Variants in NCKAP5 observed in about 807,000 individuals in gnomAD.
The protein encoded by NCKAP5 is nck-associated protein 5.
NCKAP5 carries 92 observed loss-of-function variants against 167.0 expected under a neutral mutation model. The ratio of observed to expected loss-of-function variants is 0.55; its 90% CI spans 0.47 to 0.66. The LOEUF is 0.66. Ranked by LOEUF, NCKAP5 falls within the 30% of genes least tolerant of loss-of-function variation. The pLI is 0.00. For missense variants in NCKAP5, 2,378 were observed against 2,315.0 expected, an observed-to-expected ratio of 1.03 and a Z score of -0.56; for synonymous variants, 891 against 877.4, an observed-to-expected ratio of 1.02 and a Z score of -0.27.
At chr2:133,553,625 A>T (rs1687535781) in intron 2 of NCKAP5, among the ~76,000 whole-genome samples, 1 of 152,172 alleles carries the variant, frequency 6.6e-6, no homozygotes, top group South Asian at 2.1e-4. Flanking sequence ...GCCAAATCAC[A>T]GAAGCAGGAA....
chr2:132,809,050 T>C (rs1301622954), intron 11 of NCKAP5, among the ~76,000 whole-genome samples: 2 of 152,190 alleles, frequency 1.3e-5, no homozygotes, highest in African/African-American at 4.8e-5. Context: ...GAGCAGGCTA[T>C]ATCATTTCCA....
intron 4 of NCKAP5, among the ~76,000 whole-genome samples, chr2:133,224,247 T>G (rs4954046): frequency 6.6e-6 from 1 of 151,984 alleles, no homozygotes; most frequent in African/African-American, 2.4e-5. Flanking sequence ...ATTTATCTCC[T>G]TAGTGGGAGG....
intron 6 of NCKAP5, among the ~76,000 whole-genome samples, chr2:133,043,643 C>G (rs899470513): frequency 1.3e-5 from 2 of 152,200 alleles, no homozygotes; most frequent in Non-Finnish European, 2.9e-5. Context: ...CAAGCTTGCT[C>G]TAATTGTTTC....
intron 7 of NCKAP5, among the ~76,000 whole-genome samples, chr2:132,978,216 A>C (rs2077033018): frequency 6.6e-6 from 1 of 152,204 alleles, no homozygotes; most frequent in Non-Finnish European, 1.5e-5. Context: ...TTTAAAGAAT[A>C]ATAAACTGGC....
chr2:133,661,199 G>C, the NCKAP5 span, among the ~76,000 whole-genome samples: 1 of 152,060 alleles, frequency 6.6e-6, no homozygotes, highest in Non-Finnish European at 1.5e-5. Flanking sequence ...AGATGAAAGA[G>C]AGATGTTTGC....
chr2:133,439,416 C>CG (rs1690693821), intron 3 of NCKAP5, among the ~76,000 whole-genome samples: 1 of 152,070 alleles, frequency 6.6e-6, no homozygotes, highest in Non-Finnish European at 1.5e-5. Flanking sequence ...AAAAAGATGT[C>CG]GGGGGCAACA....
chr2:132,948,781 T>C (rs1424779440), intron 8 of NCKAP5, among the ~76,000 whole-genome samples: 1 of 152,212 alleles, frequency 6.6e-6, no homozygotes, highest in Admixed American at 6.5e-5. Flanking sequence ...CCACCCCTTC[T>C]CTTGCCTTTT....
chr2:132,879,548 A>G (rs981398826), intron 8 of NCKAP5, among the ~76,000 whole-genome samples: 8 of 152,120 alleles, frequency 5.3e-5, no homozygotes, highest in Non-Finnish European at 1.2e-4. Context: ...GTAAGGGGAA[A>G]GAAAAGTAAT....
At chr2:133,423,151 G>A (rs569147168) in intron 3 of NCKAP5, among the ~76,000 whole-genome samples, 3 of 152,238 alleles carry the variant, frequency 2.0e-5, no homozygotes, top group Non-Finnish European at 2.9e-5. Context: ...TTTCCAAGAC[G>A]AACATTTACA....
At chr2:132,946,205 A>G (rs1350978412) in intron 8 of NCKAP5, among the ~76,000 whole-genome samples, 4 of 152,156 alleles carry the variant, frequency 2.6e-5, no homozygotes, top group East Asian at 1.9e-4. Context: ...TCAATTTCCA[A>G]GTCTGCTGCA....
intron 4 of NCKAP5, among the ~76,000 whole-genome samples, chr2:133,257,491 G>A (rs942063789): frequency 6.6e-6 from 1 of 152,066 alleles, no homozygotes; most frequent in Non-Finnish European, 1.5e-5. Flanking sequence ...AGACACTTAC[G>A]ATAACTACTC....
At chr2:133,373,125 T>C (rs1685908731) in intron 3 of NCKAP5, among the ~76,000 whole-genome samples, 1 of 152,230 alleles carries the variant, frequency 6.6e-6, no homozygotes, top group African/African-American at 2.4e-5. Context: ...AATGGCATGA[T>C]CTCAGCTCAC....
rs907751389 is a variant in NCKAP5 at position 133,059,096 on chromosome 2, G to A, written c.342-64857C>T. Among the ~76,000 whole-genome samples the A allele has an allele frequency of 8.7e-5, 13 of 148,936 alleles. 1 individual carries two copies. Among genetic ancestry groups the A allele is most frequent in the African/African-American group, 2.2e-4 (9 of 40,512 alleles). On this transcript the variant is annotated intron_variant, in intron 6 of 19. Coordinates refer to ENST00000409261, the MANE Select transcript of NCKAP5 (RefSeq NM_207363.3). ...GGGCAGATCACGAGGTCAGGAAATC[G>A]AGACCATCCTGGCTAACACGGTGAA...
intron 4 of NCKAP5, among the ~76,000 whole-genome samples, chr2:133,240,033 C>A (rs547085667): frequency 1.2e-4 from 19 of 152,178 alleles, no homozygotes; most frequent in Non-Finnish European, 2.5e-4. Context: ...AACAGCTAGT[C>A]TTACATTAGC....
At chr2:133,385,441 C>T (rs1375049871) in intron 3 of NCKAP5, among the ~76,000 whole-genome samples, 16 of 152,074 alleles carry the variant, frequency 1.1e-4, no homozygotes, top group Middle Eastern at 3.4e-3. Flanking sequence ...CTGCTGGATT[C>T]GGTTTGCCAG....
the NCKAP5 span, among the ~76,000 whole-genome samples, chr2:133,581,582 G>T: frequency 6.6e-6 from 1 of 152,278 alleles, no homozygotes; most frequent in East Asian, 1.9e-4. Context: ...GCCCAATCAT[G>T]TGTTTGGATT....
At chr2:133,139,880 GA>G (rs1326585232) in intron 5 of NCKAP5, among the ~76,000 whole-genome samples, 2 of 152,172 alleles carry the variant, frequency 1.3e-5, no homozygotes, top group African/African-American at 4.8e-5. Context: ...AGGAAAGCAA[GA>G]CATTGAGTAA....
intron 4 of NCKAP5, among the ~76,000 whole-genome samples, chr2:133,248,802 C>T (rs918115228): frequency 1.3e-5 from 2 of 152,178 alleles, no homozygotes; most frequent in East Asian, 3.9e-4. Flanking sequence ...CCGGTTCGTT[C>T]CCCAACCAGA....
At chr2:133,565,000 C>T (rs567418271) in intron 1 of NCKAP5, among the ~76,000 whole-genome samples, 1 of 152,126 alleles carries the variant, frequency 6.6e-6, no homozygotes, top group Non-Finnish European at 1.5e-5. Flanking sequence ...TGAACCAATG[C>T]GGACGGAGTT....
Sources: allele counts gnomAD v4.1 joint callset (sites outside exome capture counted in the v4.1 genomes callset), GRCh38; gene constraint gnomAD v4.1.1; transcripts MANE v1.5; gene names NCBI Gene and HGNC (gene_info 2026-07-23, HGNC 2026-07-21).